DOCK6: variants seen among roughly 807,000 people sequenced by gnomAD.
The protein encoded by DOCK6 is dedicator of cytokinesis protein 6.
A neutral mutation model predicts 230.3 loss-of-function variants in DOCK6; 167 were observed. The ratio of observed to expected loss-of-function variants is 0.73; its 90% CI spans 0.64 to 0.82. The LOEUF (loss-of-function observed/expected upper bound fraction) is 0.82. Ranked by LOEUF, DOCK6 falls within the 40% of genes least tolerant of loss-of-function variation. The pLI is 0.00. For missense variants in DOCK6, 2,598 were observed against 2,825.8 expected (o/e 0.92, Z 1.83); for synonymous variants, 1,148 against 1,185.0 (o/e 0.97, Z 0.64).
chr19:11,212,406 T>C (rs912319982), intron 35 of DOCK6, among the ~76,000 whole-genome samples: 1 of 151,880 alleles, frequency 6.6e-6, no homozygotes, highest in African/African-American at 2.4e-5. Context: ...CACGCCCTAC[T>C]AATTTTTGTA....
At chr19:11,216,432 G>T (rs1205392094) in intron 30 of DOCK6, among the ~76,000 whole-genome samples, 1 of 148,170 alleles carries the variant, frequency 6.7e-6, no homozygotes, top group African/African-American at 2.5e-5. Flanking sequence ...TTTTGAGATG[G>T]AGTCTCACTC....
intron 1 of DOCK6, among the ~76,000 whole-genome samples, chr19:11,254,682 GAAAAA>G (rs974460402): frequency 7.4e-6 from 1 of 135,258 alleles, no homozygotes; most frequent in African/African-American, 2.7e-5. Flanking sequence ...ACTTTGTCTC[GAAAAA>G]AAAAAAAAAT....
At chr19:11,232,215 C>T (rs746632468) in intron 22 of DOCK6, 67 of 1,288,996 alleles carry the variant, frequency 5.2e-5, no homozygotes, top group Admixed American at 4.8e-4. Context: ...AATAAGGGGG[C>T]GCCCGCCGCA....
intron 1 of DOCK6, chr19:11,254,103 C>A (rs976272131): frequency 5.1e-5 from 10 of 194,490 alleles, no homozygotes; most frequent in Non-Finnish European, 1.0e-5. Context: ...TGCCCCTGGA[C>A]CCCATCCAGA....
At chr19:11,260,882 CAA>C (rs59900669) in intron 1 of DOCK6, among the ~76,000 whole-genome samples, 5 of 61,760 alleles carry the variant, frequency 8.1e-5, no homozygotes, top group East Asian at 7.2e-4. Context: ...GACTCTGTCT[CAA>C]AAAAAAAAAA....
chr19:11,213,245 G>C lies in DOCK6; in HGVS notation c.4422C>G (p.Ile1474Met). The C allele has an allele frequency of 1.2e-6, 2 of 1,612,650 alleles. No homozygotes were observed. Among genetic ancestry groups the C allele is most frequent in the Non-Finnish European group, 1.7e-6 (2 of 1,179,820 alleles). ...LRLLRHCGSR[I>M]STIRTHASAS... The stretch of plus-strand genomic sequence containing the variant: ...CGCTGGCGTGCGTGCGGATGGTGCT[G>C]ATGCGGCTGCCACAGTGTCGTAGGA... Residue 1474 changes from isoleucine (I) to methionine (M), a missense_variant, in exon 35 of 48, where the codon ATC (isoleucine) becomes ATG (methionine). Transcript: ENST00000294618.
At chr19:11,241,863 C>T in intron 14 of DOCK6, 182 bp downstream of exon 14, 1 of 1,294,278 alleles carries the variant, frequency 7.7e-7, no homozygotes, top group Non-Finnish European at 1.1e-6. Context: ...AGGATGTAGC[C>T]CCATTGGGGA....
Position 11,202,098 on chromosome 19 carries a change from G to A in DOCK6, c.5479C>T (p.Pro1827Ser). ...KAYIQITYVE[P>S]YFDTYELKDR... ...TTGAGCTCGTAGGTATCAAAGTACGGTTCCACATACGTGATCTGGATGTAG... is the reference window on the plus strand; with the variant it reads ...TTGAGCTCGTAGGTATCAAAGTACGATTCCACATACGTGATCTGGATGTAG... Residue 1827 changes from proline to serine, a missense_variant, in exon 44 of 48, where the codon CCG (proline) becomes TCG (serine). By Grantham distance (74) the Pro-to-Ser change is moderately conservative. Coordinates refer to ENST00000294618, the MANE Select transcript of DOCK6 (RefSeq NM_020812.4). This position sits in a 1 kb window ranked among gnomAD's most constrained non-coding sequence, Gnocchi z 5.3. The A allele has an allele frequency of 6.2e-7, 1 of 1,614,008 alleles. No individual in the cohort carries two copies. Among genetic ancestry groups the A allele is most frequent in the African/African-American group, 1.3e-5 (1 of 75,062 alleles).
chr19:11,200,789 C>G lies in DOCK6; in HGVS notation c.5866G>C (p.Glu1956Gln), dbSNP rs1383423349. The G allele has an allele frequency of 6.2e-7, 1 of 1,613,230 alleles. No homozygotes were observed. Among genetic ancestry groups the G allele is most frequent in the Admixed American group, 1.7e-5 (1 of 60,000 alleles). The change falls in exon 46 of 48, where the codon GAG (glutamate) becomes CAG (glutamine). Residue 1956 changes from glutamate (E) to glutamine (Q), a missense_variant. Coordinates refer to ENST00000294618, the MANE Select transcript of DOCK6 (RefSeq NM_020812.4). This position sits in a 1 kb window ranked among gnomAD's most constrained non-coding sequence, Gnocchi z 4.3. ...PLEVAQVFLA[E>Q]IPEDPKLFRH... The stretch of plus-strand genomic sequence containing the variant: ...AAGAGCTTGGGGTCTTCCGGGATCT[C>G]TGCTAAAAACACCTGGGCCACCTCC...
intron 41 of DOCK6, chr19:11,203,221 C>T (rs1440031082): frequency 1.7e-5 from 3 of 175,392 alleles, no homozygotes; most frequent in African/African-American, 7.1e-5. Context: ...CCCCTCCCTA[C>T]CACCCTAAAA....
At chr19:11,257,682 G>A (rs2080219593) in intron 1 of DOCK6, among the ~76,000 whole-genome samples, 3 of 151,902 alleles carry the variant, frequency 2.0e-5, no homozygotes, top group Admixed American at 6.6e-5. Flanking sequence ...TCAGTTACTC[G>A]GGAGGCTGAG....
intron 5 of DOCK6, chr19:11,251,896 A>C: frequency 1.6e-6 from 1 of 615,264 alleles, no homozygotes; most frequent in Non-Finnish European, 2.7e-6. Flanking sequence ...GGCTGCCCTG[A>C]CTCCTAGGAT....
chr19:11,236,727 T>C lies in DOCK6; in HGVS notation c.2160+66A>G. 2 of 1,540,270 alleles carry C rather than the reference T, an allele frequency of 1.3e-6. No homozygotes were observed. Among genetic ancestry groups the C allele is most frequent in the Non-Finnish European group, 1.8e-6 (2 of 1,137,754 alleles). On this transcript the variant is annotated intron_variant, in intron 19 of 47. Transcript: ENST00000294618. The surrounding 1 kb of genome is among the most constrained non-coding windows in gnomAD (Gnocchi z 5.2). ...GACCTCCCCGGCCATCGGCAACTGT[T>C]ACTCAATCGTAGGGCAGGCAAGAGG...
chr19:11,216,867 C>T lies in DOCK6; in HGVS notation c.3894+47G>A, dbSNP rs747458333. Reference sequence around the variant, plus strand: ...CCGCAGCACGCTGGGTCCCTGGGTACATCCTTAGCCTGCCTCCTCCATCAT... The same window carrying T: ...CCGCAGCACGCTGGGTCCCTGGGTATATCCTTAGCCTGCCTCCTCCATCAT... On this transcript the variant is annotated intron_variant, in intron 30 of 47. Transcript: ENST00000294618. 28 of 1,597,330 alleles carry T rather than the reference C, an allele frequency of 1.8e-5. No individual in the cohort carries two copies. The South Asian group carries it at 3.1e-4, about 18-fold the overall frequency.
intron 24 of DOCK6, among the ~76,000 whole-genome samples, chr19:11,226,682 A>G (rs2147796423): frequency 1.3e-5 from 2 of 152,326 alleles, no homozygotes; most frequent in Non-Finnish European, 2.9e-5. Context: ...CAACAAAAAA[A>G]TGATACGATC....
At chr19:11,209,584 CCCTTCACTTGTCTAT>C (rs1204783290) in intron 37 of DOCK6, among the ~76,000 whole-genome samples, 10 of 144,478 alleles carry the variant, frequency 6.9e-5, no homozygotes, top group South Asian at 2.3e-4. Flanking sequence ...ACCTGTCCAT[CCCTTCACTTGTCTAT>C]CCCCTCACCT....
rs938223883 is a variant in DOCK6, at chr19:11,235,876, AAT to A, written c.2393-119_2393-118del. The A allele has an allele frequency of 7.8e-5, 100 of 1,283,924 alleles. No individual in the cohort carries two copies. The African/African-American group carries it at 1.3e-3, about 16-fold the overall frequency. 79.5% of individuals were successfully genotyped at this position (1,283,924 alleles called of 1,614,324 possible). ...ATCATGTGCTCATTAAGGGGTCACA[AAT>A]TTTTTTTTTTTTTTTTTTTTGAGAT... On this transcript the variant is annotated intron_variant, in intron 20 of 47. Transcript: ENST00000294618.
In DOCK6 at chr19:11,200,511, G is replaced by A. The variant is rs1199061347; in HGVS notation, c.5940-42C>T. ...GGGAGATGCTCAGAGACTCGCACAC[G>A]GGACTGAAAGCAAGACTAGGGGTGG... On this transcript the variant is annotated intron_variant, in intron 46 of 47. Coordinates refer to ENST00000294618, the MANE Select transcript of DOCK6 (RefSeq NM_020812.4). This position sits in a 1 kb window ranked among gnomAD's most constrained non-coding sequence, Gnocchi z 4.3. The A allele has an allele frequency of 1.1e-5, 18 of 1,592,444 alleles. No homozygotes were observed. The highest frequency in any genetic ancestry group is 1.5e-5 in the Non-Finnish European group (17 of 1,169,852).
chr19:11,224,783 G>C (rs560515965), intron 24 of DOCK6, among the ~76,000 whole-genome samples: 1 of 152,062 alleles, frequency 6.6e-6, no homozygotes, highest in Non-Finnish European at 1.5e-5. Flanking sequence ...CCTGCAACCC[G>C]GCCAGGCATG....
Sources: allele counts gnomAD v4.1 joint callset (sites outside exome capture counted in the v4.1 genomes callset), GRCh38; gene constraint gnomAD v4.1.1; non-coding constraint Gnocchi (gnomAD v3.1); transcripts MANE v1.5; gene names NCBI Gene and HGNC (gene_info 2026-07-23, HGNC 2026-07-21).